The following CFAP58 variants were observed in gnomAD, a reference collection of about 807,000 sequenced individuals.
CFAP58 encodes the protein cilia and flagella associated protein 58, also known as cilia- and flagella-associated protein 58.
Under a neutral mutation model 119.5 loss-of-function variants are expected in CFAP58, and 88 were observed. That is an observed-to-expected ratio of 0.74 (90% confidence interval 0.62 to 0.88). The LOEUF is 0.88. CFAP58 is among the 40% of genes least tolerant of loss of function. CFAP58 has a pLI of 0.00. For missense variants in CFAP58, 990 were observed against 1,021.2 expected, an observed-to-expected ratio of 0.97 and a Z score of 0.42; for synonymous variants, 365 against 366.3, an observed-to-expected ratio of 1.00 and a Z score of 0.04.
intron 17 of CFAP58, among the ~76,000 whole-genome samples, chr10:104,454,007 A>G (rs2013237136): frequency 6.6e-6 from 1 of 152,188 alleles, no homozygotes; most frequent in Non-Finnish European, 1.5e-5. Context: ...GTAAATATTT[A>G]TAAGTTTCTA....
chr10:104,368,085 A>G (rs2014775292), intron 5 of CFAP58, among the ~76,000 whole-genome samples: 1 of 152,262 alleles, frequency 6.6e-6, no homozygotes, highest in African/African-American at 2.4e-5. Flanking sequence ...CTCATTTGCA[A>G]TGATTATAGC....
chr10:104,423,480 GAAT>G (rs1564900045), intron 15 of CFAP58, among the ~76,000 whole-genome samples: 1 of 151,588 alleles, frequency 6.6e-6, no homozygotes, highest in African/African-American at 2.4e-5. Flanking sequence ...GTGAGATGCA[GAAT>G]AATATGTTTC....
intron 9 of CFAP58, among the ~76,000 whole-genome samples, chr10:104,383,467 C>T (rs559206280): frequency 2.0e-4 from 30 of 152,234 alleles, no homozygotes; most frequent in Admixed American, 1.7e-3. Context: ...TTTTAATATA[C>T]AATTGTATAT....
At chr10:104,439,733 T>A (rs1204007223) in intron 15 of CFAP58, among the ~76,000 whole-genome samples, 2 of 109,714 alleles carry the variant, frequency 1.8e-5, no homozygotes, top group Non-Finnish European at 3.8e-5. Context: ...AACAACAACA[T>A]ATTTTCAAAG....
At chr10:104,390,005 A>G (rs984310804) in intron 9 of CFAP58, among the ~76,000 whole-genome samples, 1 of 152,240 alleles carries the variant, frequency 6.6e-6, no homozygotes, top group Non-Finnish European at 1.5e-5. Context: ...TTTTCTATTA[A>G]GAAAGCTATT....
At chr10:104,425,196 A>G (rs1040023686) in intron 15 of CFAP58, among the ~76,000 whole-genome samples, 2 of 152,196 alleles carry the variant, frequency 1.3e-5, no homozygotes, top group South Asian at 2.1e-4. Flanking sequence ...GAAAAGGCCC[A>G]TGGAAGCACA....
At chr10:104,339,828 C>T in the CFAP58 span, among the ~76,000 whole-genome samples, 1 of 152,064 alleles carries the variant, frequency 6.6e-6, no homozygotes, top group Non-Finnish European at 1.5e-5. Context: ...GGGAAACGGT[C>T]TTGAAAGAGC....
chr10:104,400,924 G>A, intron 13 of CFAP58, 21 bp downstream of exon 13: 1 of 1,585,744 alleles, frequency 6.3e-7, no homozygotes, highest in Non-Finnish European at 8.7e-7. Context: ...ATAGAACTCA[G>A]GGCTGAAGGC....
chr10:104,350,038 C>G (rs1007544462), upstream of CFAP58, among the ~76,000 whole-genome samples: 6 of 152,176 alleles, frequency 3.9e-5, no homozygotes, highest in Non-Finnish European at 7.3e-5. Context: ...TTACTGACAT[C>G]CTCATTTCAG....
chr10:104,373,613 A>G (rs2014852205), intron 7 of CFAP58, among the ~76,000 whole-genome samples: 1 of 152,132 alleles, frequency 6.6e-6, no homozygotes, highest in African/African-American at 2.4e-5. Context: ...ATGATTGCAC[A>G]TACTGCACTC....
At chr10:104,453,340 C>A (rs959792507) in intron 17 of CFAP58, among the ~76,000 whole-genome samples, 4 of 152,162 alleles carry the variant, frequency 2.6e-5, no homozygotes, top group Non-Finnish European at 5.9e-5. Flanking sequence ...GGTTGGTTAC[C>A]AATCCTCTAC....
At chr10:104,450,339 G>A in intron 17 of CFAP58, 135 bp downstream of exon 17, 1 of 905,236 alleles carries the variant, frequency 1.1e-6, no homozygotes, top group Non-Finnish European at 1.7e-6. Context: ...ACATTCTACA[G>A]GTCACTAAGT....
At chr10:104,366,395 C>T (rs193147006) in intron 5 of CFAP58, among the ~76,000 whole-genome samples, 2 of 152,190 alleles carry the variant, frequency 1.3e-5, no homozygotes, top group African/African-American at 4.8e-5. Flanking sequence ...TGTGCTCCCT[C>T]TTAGTCCTTC....
intron 15 of CFAP58, among the ~76,000 whole-genome samples, chr10:104,429,192 G>A (rs75892953): frequency 0.016 from 2,504 of 152,248 alleles, 37 homozygotes; most frequent in South Asian, 0.054. Context: ...TGAGGGGGTG[G>A]CAGGTGCTGT....
chr10:104,349,996 A>T (rs2014440884), upstream of CFAP58, among the ~76,000 whole-genome samples: 1 of 152,228 alleles, frequency 6.6e-6, no homozygotes, highest in Non-Finnish European at 1.5e-5. Context: ...GGCACCAGAA[A>T]GTCGAAAGGG....
intron 15 of CFAP58, among the ~76,000 whole-genome samples, chr10:104,431,368 T>G (rs2012844386): frequency 6.6e-6 from 1 of 152,216 alleles, no homozygotes; most frequent in African/African-American, 2.4e-5. Context: ...GACATAGTGT[T>G]ATGGGATTTA....
intron 17 of CFAP58, among the ~76,000 whole-genome samples, chr10:104,453,761 A>AGT (rs56666132): frequency 0.23 from 31,873 of 138,698 alleles, 3,425 homozygotes; most frequent in African/African-American, 0.28. Flanking sequence ...CATGAATATG[A>AGT]GTGTGTGTGT....
intron 15 of CFAP58, among the ~76,000 whole-genome samples, chr10:104,433,962 A>C (rs1409901735): frequency 6.6e-6 from 1 of 152,190 alleles, no homozygotes; most frequent in Non-Finnish European, 1.5e-5. Flanking sequence ...CTGGTTTGGC[A>C]GGTGACTTCA....
At chr10:104,387,177 A>G (rs2011941619) in intron 9 of CFAP58, among the ~76,000 whole-genome samples, 1 of 152,238 alleles carries the variant, frequency 6.6e-6, no homozygotes, top group Non-Finnish European at 1.5e-5. Context: ...AGTGCATGAT[A>G]AATAGCCACA....
Sources: allele counts gnomAD v4.1 joint callset (sites outside exome capture counted in the v4.1 genomes callset), GRCh38; gene constraint gnomAD v4.1.1; transcripts MANE v1.5; gene names NCBI Gene and HGNC (gene_info 2026-07-23, HGNC 2026-07-21).